The following GPC6 variants were observed in gnomAD, a reference collection of about 807,000 sequenced individuals.
GPC6 encodes the protein glypican-6.
Under a neutral mutation model 55.2 loss-of-function variants are expected in GPC6, and 14 were observed. The ratio of observed to expected loss-of-function variants is 0.25; its 90% CI spans 0.17 to 0.40. The LOEUF is 0.40. Among genes scored for constraint, GPC6 ranks in the 10% least tolerant of loss-of-function variants. The probability of loss-of-function intolerance (pLI) is 1.00; values close to 1 mark genes in which losing one functional copy is unlikely to be tolerated. For missense variants in GPC6, 641 were observed against 708.5 expected (o/e 0.90, Z 1.08); for synonymous variants, 278 against 259.6 (o/e 1.07, Z -0.68).
At chr13:94,198,606 C>T (rs527980293) in intron 4 of GPC6, among the ~76,000 whole-genome samples, 6 of 152,292 alleles carry the variant, frequency 3.9e-5, no homozygotes, top group South Asian at 4.1e-4. Context: ...AGGCTGTGTC[C>T]GTTCTGCCAC....
At chr13:94,014,563 A>G (rs968821643) in intron 3 of GPC6, among the ~76,000 whole-genome samples, 1 of 152,142 alleles carries the variant, frequency 6.6e-6, no homozygotes, top group African/African-American at 2.4e-5. Flanking sequence ...GTAGAGGCCA[A>G]GTTTTTAGTA....
chr13:94,215,981 T>C (rs995190936), intron 4 of GPC6, among the ~76,000 whole-genome samples: 1 of 136,408 alleles, frequency 7.3e-6, no homozygotes, highest in Admixed American at 7.6e-5. Flanking sequence ...ATTTCAAATA[T>C]GTTTTTTAGA....
chr13:93,467,630 G>A (rs1472708450), intron 1 of GPC6, among the ~76,000 whole-genome samples: 1 of 134,598 alleles, frequency 7.4e-6, no homozygotes, highest in Non-Finnish European at 1.5e-5. Context: ...CACCCAGGAT[G>A]GAGTGCGGTA....
At chr13:93,408,190 C>G (rs985369064) in intron 1 of GPC6, among the ~76,000 whole-genome samples, 4 of 152,168 alleles carry the variant, frequency 2.6e-5, no homozygotes, top group Non-Finnish European at 5.9e-5. Context: ...CAACTCTCAC[C>G]TCTGGAAGAG....
chr13:94,001,897 G>A (rs1407424173), intron 3 of GPC6, among the ~76,000 whole-genome samples: 1 of 152,120 alleles, frequency 6.6e-6, no homozygotes, highest in Non-Finnish European at 1.5e-5. Flanking sequence ...CAAAATGCTG[G>A]AGAGGTTTTA....
intron 8 of GPC6, among the ~76,000 whole-genome samples, chr13:94,400,794 A>C (rs970587947): frequency 1.3e-5 from 2 of 152,216 alleles, no homozygotes; most frequent in Non-Finnish European, 1.5e-5. Flanking sequence ...GAAATCATTG[A>C]GCAAGTGAGA....
chr13:93,284,553 T>C (rs1594072825), intron 1 of GPC6, among the ~76,000 whole-genome samples: 2 of 152,250 alleles, frequency 1.3e-5, no homozygotes, highest in Non-Finnish European at 2.9e-5. Flanking sequence ...TGAGCCCTTG[T>C]ATTTCATATA....
At chr13:93,232,654 G>A (rs934602738) in intron 1 of GPC6, among the ~76,000 whole-genome samples, 26 of 152,146 alleles carry the variant, frequency 1.7e-4, no homozygotes, top group Non-Finnish European at 1.0e-4. Context: ...GATTTAAAAT[G>A]TACAGCATTA....
At chr13:94,262,017 C>A (rs1891671815) in intron 4 of GPC6, among the ~76,000 whole-genome samples, 1 of 152,090 alleles carries the variant, frequency 6.6e-6, no homozygotes, top group African/African-American at 2.4e-5. Flanking sequence ...GGAACAAGGT[C>A]CCCTGCAGAG....
chr13:93,376,283 T>C (rs1218491890), intron 1 of GPC6, among the ~76,000 whole-genome samples: 7 of 152,210 alleles, frequency 4.6e-5, no homozygotes, highest in Admixed American at 2.6e-4. Context: ...TGAACTCATG[T>C]AACCCAGCCT....
At chr13:93,946,653 C>T (rs1879024921) in intron 3 of GPC6, among the ~76,000 whole-genome samples, 4 of 152,004 alleles carry the variant, frequency 2.6e-5, no homozygotes, top group Admixed American at 2.6e-4. Flanking sequence ...TTGTACAGGC[C>T]AAGGCCTCAT....
intron 1 of GPC6, among the ~76,000 whole-genome samples, chr13:93,319,096 A>G (rs946109097): frequency 2.0e-5 from 3 of 152,130 alleles, no homozygotes; most frequent in East Asian, 1.9e-4. Flanking sequence ...CTGTCCCCTC[A>G]TGCATCTCTA....
At chr13:93,389,922 G>T (rs1289214276) in intron 1 of GPC6, among the ~76,000 whole-genome samples, 1 of 152,088 alleles carries the variant, frequency 6.6e-6, no homozygotes, top group South Asian at 2.1e-4. Context: ...AGACTTTAAA[G>T]GAATAGTGAT....
chr13:93,640,603 G>A lies in GPC6; in HGVS notation c.319+95182G>A, dbSNP rs563026842. Among the ~76,000 whole-genome samples, 9 of 152,112 alleles carry A rather than the reference G, an allele frequency of 5.9e-5. No homozygotes were observed. In the East Asian group the frequency reaches 7.8e-4, roughly 13 times the overall value. ...TCTCTATCAAGAAATGGAAGCTGAG[G>A]CACTATATAGCCACTTGTTGGGGAG... On this transcript the variant is annotated intron_variant, in intron 2 of 8. Transcript: ENST00000377047.
chr13:94,385,680 A>G (rs1393633088), intron 7 of GPC6, among the ~76,000 whole-genome samples: 1 of 152,050 alleles, frequency 6.6e-6, no homozygotes, highest in African/African-American at 2.4e-5. Flanking sequence ...TTATATTTTT[A>G]TATACTAGCA....
intron 4 of GPC6, among the ~76,000 whole-genome samples, chr13:94,275,833 A>C (rs977782211): frequency 1.3e-4 from 20 of 152,206 alleles, no homozygotes; most frequent in African/African-American, 4.8e-4. Flanking sequence ...AAGATGTCCA[A>C]CCTTCCCTAT....
chr13:94,003,017 A>C (rs1881872314), intron 3 of GPC6, among the ~76,000 whole-genome samples: 1 of 152,188 alleles, frequency 6.6e-6, no homozygotes, highest in African/African-American at 2.4e-5. Context: ...AGTCATCTTG[A>C]AAGAGGCAAA....
At chr13:94,302,047 C>T (rs978664913) in intron 5 of GPC6, among the ~76,000 whole-genome samples, 19 of 152,190 alleles carry the variant, frequency 1.2e-4, no homozygotes, top group South Asian at 2.1e-4. Context: ...AAAATTGAGA[C>T]GGTCCAAATT....
rs1174397795 is a variant in GPC6, at chr13:94,186,047, G to A, written c.878-100302G>A. ...TGCACTCCAGCCTAGGTGACAGAGCGAGACTCCGTCTCCAAAAAAAAAAAA... is the reference window on the plus strand; with the variant it reads ...TGCACTCCAGCCTAGGTGACAGAGCAAGACTCCGTCTCCAAAAAAAAAAAA... On this transcript the variant is annotated intron_variant, in intron 4 of 8. Transcript: ENST00000377047. Among the ~76,000 whole-genome samples, 8 of 75,580 alleles carry A rather than the reference G, an allele frequency of 1.1e-4. No homozygotes were observed. In the East Asian group the frequency reaches 2.6e-3, roughly 25 times the overall value. 49.6% of individuals were successfully genotyped at this position (75,580 alleles called of 152,430 possible).
Sources: gnomAD v4.1 joint callset for allele counts (sites outside exome capture counted in the v4.1 genomes callset) on GRCh38, gnomAD v4.1.1 for gene constraint, MANE v1.5 for transcripts, NCBI Gene and HGNC (gene_info 2026-07-23, HGNC 2026-07-21) for gene names.